Variants in PDE4D observed in about 807,000 individuals in gnomAD.
The protein encoded by PDE4D is 3',5'-cyclic-AMP phosphodiesterase 4D.
A neutral mutation model predicts 87.4 loss-of-function variants in PDE4D; 24 were observed. That is an observed-to-expected ratio of 0.27 (90% CI 0.20 to 0.39). The LOEUF is 0.39. PDE4D is among the 10% of genes least tolerant of loss of function. The probability of loss-of-function intolerance (pLI) is 1.00; values close to 1 mark genes in which losing one functional copy is unlikely to be tolerated. For synonymous variants in PDE4D, 384 were observed against 383.2 expected (o/e 1.00, Z -0.02); for missense variants, 714 against 1,041.0 (o/e 0.69, Z 4.32).
chr5:59,601,074 C>T (rs1294277635), intron 1 of PDE4D, among the ~76,000 whole-genome samples: 3 of 152,126 alleles, frequency 2.0e-5, no homozygotes, highest in Non-Finnish European at 1.5e-5. Flanking sequence ...TTTTACTGTT[C>T]CATCCTATGA....
rs1029988535 is a variant in PDE4D at position 59,812,229 on chromosome 5, C to T, written c.455+80939G>A. Among the ~76,000 whole-genome samples the T allele has an allele frequency of 4.6e-5, 7 of 152,220 alleles. No individual in the cohort carries two copies. The South Asian group carries it at 1.2e-3, about 27-fold the overall frequency. On this transcript the variant is annotated intron_variant, in intron 1 of 14. Transcript: ENST00000340635. ...AGGTCCACGTCTGAAACCTGAAAGG[C>T]ATCTCCTTTTATCTACTACCGCTTT...
intron 1 of PDE4D, among the ~76,000 whole-genome samples, chr5:59,458,881 T>C (rs747750271): frequency 7.2e-5 from 11 of 152,230 alleles, no homozygotes; most frequent in Non-Finnish European, 1.5e-4. Context: ...TCATATTTTA[T>C]TGGCAATGCA....
intron 1 of PDE4D, among the ~76,000 whole-genome samples, chr5:60,381,783 C>A (rs1369672228): frequency 2.0e-5 from 3 of 152,092 alleles, no homozygotes; most frequent in Non-Finnish European, 2.9e-5. Flanking sequence ...CAACTGGAAT[C>A]TGTGATGAAA....
intron 3 of PDE4D, among the ~76,000 whole-genome samples, chr5:59,907,336 T>C (rs374208685): frequency 6.6e-6 from 1 of 152,250 alleles, no homozygotes; most frequent in African/African-American, 2.4e-5. Flanking sequence ...TTTATAAAGA[T>C]CCATTTAGTA....
chr5:59,139,963 T>C (rs1777653838), intron 5 of PDE4D, among the ~76,000 whole-genome samples: 1 of 152,238 alleles, frequency 6.6e-6, no homozygotes. Context: ...GATGTTGTCA[T>C]TCTTGCATTT....
chr5:59,123,542 AC>A (rs1447120088), intron 5 of PDE4D, among the ~76,000 whole-genome samples: 2 of 152,176 alleles, frequency 1.3e-5, no homozygotes, highest in Non-Finnish European at 2.9e-5. Flanking sequence ...TGATTTTAAT[AC>A]CTGTGACCCC....
intron 5 of PDE4D, among the ~76,000 whole-genome samples, chr5:59,081,577 T>C (rs1235717584): frequency 1.3e-5 from 2 of 151,272 alleles, no homozygotes; most frequent in East Asian, 3.9e-4. Flanking sequence ...AGTTCAAACT[T>C]TCTATAGGTA....
At chr5:60,434,431 A>ATG (rs1744602302) in intron 1 of PDE4D, among the ~76,000 whole-genome samples, 1 of 149,122 alleles carries the variant, frequency 6.7e-6, no homozygotes, top group South Asian at 2.1e-4. Context: ...ACACCAGAAC[A>ATG]TGTCTCTTTT....
At chr5:59,443,290 T>C (rs1797902445) in intron 1 of PDE4D, among the ~76,000 whole-genome samples, 1 of 152,228 alleles carries the variant, frequency 6.6e-6, no homozygotes, top group Non-Finnish European at 1.5e-5. Flanking sequence ...GCGTAGTTTC[T>C]AGAATATGAA....
At chr5:59,994,311 A>G (rs1763312489) in intron 2 of PDE4D, among the ~76,000 whole-genome samples, 1 of 151,624 alleles carries the variant, frequency 6.6e-6, no homozygotes, top group Admixed American at 6.6e-5. Flanking sequence ...GTGTGTATAT[A>G]TACATATACA....
At chr5:59,602,732 C>T (rs753189902) in intron 1 of PDE4D, among the ~76,000 whole-genome samples, 22 of 152,096 alleles carry the variant, frequency 1.4e-4, no homozygotes, top group Non-Finnish European at 3.1e-4. Flanking sequence ...ATATCCAACT[C>T]AACCTTGAGC....
chr5:59,140,878 G>A (rs1377515006), intron 5 of PDE4D, among the ~76,000 whole-genome samples: 1 of 151,544 alleles, frequency 6.6e-6, no homozygotes, highest in Non-Finnish European at 1.5e-5. Flanking sequence ...ACAATCCTTT[G>A]AAGGTTGCAA....
chr5:59,044,979 A>G (rs1314756944), intron 5 of PDE4D, among the ~76,000 whole-genome samples: 1 of 152,186 alleles, frequency 6.6e-6, no homozygotes, highest in East Asian at 1.9e-4. Flanking sequence ...AGCACTGACT[A>G]TGTGCCATGC....
At chr5:60,225,687 C>A (rs955879752) in intron 1 of PDE4D, among the ~76,000 whole-genome samples, 2 of 152,050 alleles carry the variant, frequency 1.3e-5, no homozygotes, top group East Asian at 3.9e-4. Flanking sequence ...TGGGGTTCCA[C>A]TTTATAATAA....
intron 1 of PDE4D, among the ~76,000 whole-genome samples, chr5:60,407,810 G>C (rs1741687266): frequency 6.6e-6 from 1 of 152,014 alleles, no homozygotes; most frequent in Non-Finnish European, 1.5e-5. Context: ...CCTAATATTA[G>C]TTTAAAACAT....
intron 1 of PDE4D, among the ~76,000 whole-genome samples, chr5:59,808,044 C>T (rs1246294836): frequency 6.6e-6 from 1 of 152,164 alleles, no homozygotes. Flanking sequence ...AATGCTGAGT[C>T]CATGTGTCAA....
At chr5:59,658,067 G>T (rs1007755380) in intron 1 of PDE4D, among the ~76,000 whole-genome samples, 3 of 151,954 alleles carry the variant, frequency 2.0e-5, no homozygotes, top group African/African-American at 7.3e-5. Flanking sequence ...TATACTTAAG[G>T]TGAAGCTTAA....
At chr5:60,166,334 G>A (rs1782898818) in intron 2 of PDE4D, among the ~76,000 whole-genome samples, 1 of 152,034 alleles carries the variant, frequency 6.6e-6, no homozygotes, top group South Asian at 2.1e-4. Flanking sequence ...GTTATCATGA[G>A]GCTTATAAAA....
chr5:59,097,817 G>T (rs1453730900), intron 5 of PDE4D, among the ~76,000 whole-genome samples: 1 of 152,140 alleles, frequency 6.6e-6, no homozygotes, highest in Non-Finnish European at 1.5e-5. Context: ...CAAGCCTTGT[G>T]TCTCTCCTTT....
Sources: gnomAD v4.1 joint callset for allele counts (sites outside exome capture counted in the v4.1 genomes callset) on GRCh38, gnomAD v4.1.1 for gene constraint, MANE v1.5 for transcripts, NCBI Gene and HGNC (gene_info 2026-07-23, HGNC 2026-07-21) for gene names.